XXYLT1: variants seen among roughly 807,000 people sequenced by gnomAD.
XXYLT1 encodes xyloside xylosyltransferase 1.
XXYLT1 carries 20 observed loss-of-function variants against 28.9 expected under a neutral mutation model. The ratio of observed to expected loss-of-function variants is 0.69; its 90% CI spans 0.49 to 1.00. XXYLT1 has a LOEUF of 1.00. Ranked by LOEUF, XXYLT1 falls within the 50% of genes least tolerant of loss-of-function variation. The probability of loss-of-function intolerance (pLI) is 0.00; values close to 1 mark genes in which losing one functional copy is unlikely to be tolerated. For missense variants in XXYLT1, 542 were observed against 560.1 expected (o/e 0.97, Z 0.33); for synonymous variants, 257 against 253.8 (o/e 1.01, Z -0.12).
chr3:195,074,717 A>G (rs1262835768), intron 3 of XXYLT1, among the ~76,000 whole-genome samples: 1 of 152,152 alleles, frequency 6.6e-6, no homozygotes, highest in Non-Finnish European at 1.5e-5. Flanking sequence ...CCTGGAGCTA[A>G]GGCTGAAGTT....
At chr3:195,208,390 C>T (rs1723164950) in intron 2 of XXYLT1, among the ~76,000 whole-genome samples, 1 of 152,150 alleles carries the variant, frequency 6.6e-6, no homozygotes, top group African/African-American at 2.4e-5. Context: ...CCCACCTGCC[C>T]ACTGCCCACA....
At chr3:195,204,073 A>C (rs1722962916) in intron 2 of XXYLT1, among the ~76,000 whole-genome samples, 1 of 152,202 alleles carries the variant, frequency 6.6e-6, no homozygotes, top group African/African-American at 2.4e-5. Flanking sequence ...GGCCGGGCAC[A>C]GTGGCTCACG....
intron 3 of XXYLT1, chr3:195,152,539 T>C (rs911480462): frequency 6.6e-6 from 1 of 152,360 alleles, no homozygotes; most frequent in Non-Finnish European, 1.5e-5. Flanking sequence ...TCCATGGACC[T>C]AGGATTATAA....
In XXYLT1 at chr3:195,196,333, G is replaced by A. The variant is rs190567249; in HGVS notation, c.652+30376C>T. 9.8e-5 allele frequency among the ~76,000 whole-genome samples: 15 copies of A among 152,358 alleles called. No individual in the cohort carries two copies. In the East Asian group the frequency reaches 2.9e-3, roughly 29 times the overall value. ...ATCCTGCAGGGTGCGGCAGGAAGCA[G>A]GGCAAGATGCTCCCTAGCCCTGTGG... On this transcript the variant is annotated intron_variant, in intron 2 of 3. Transcript: ENST00000310380.
chr3:195,235,195 T>C (rs1724484405), intron 1 of XXYLT1, among the ~76,000 whole-genome samples: 2 of 152,124 alleles, frequency 1.3e-5, no homozygotes, highest in Admixed American at 1.3e-4. Context: ...AACCTCTGCC[T>C]CCCAGGCTCA....
intron 3 of XXYLT1, among the ~76,000 whole-genome samples, chr3:195,149,359 G>A (rs1720056820): frequency 6.6e-6 from 1 of 152,234 alleles, no homozygotes; most frequent in Non-Finnish European, 1.5e-5. Context: ...CAGGAGGAAA[G>A]GGCATAGTCG....
rs555239371 is a variant in XXYLT1 at position 195,145,296 on chromosome 3, G to C, written c.785+11153C>G. On this transcript the variant is annotated intron_variant, in intron 3 of 3. Coordinates refer to ENST00000310380, the MANE Select transcript of XXYLT1 (RefSeq NM_152531.5). ...CACGTGAATGGGCACCTCACTCCAC[G>C]GTTACCAGCATTGATGGGGCCCTGC... Among the ~76,000 whole-genome samples the C allele has an allele frequency of 3.3e-5, 5 of 152,214 alleles. No individual in the cohort carries two copies. The South Asian group carries it at 8.3e-4, about 25-fold the overall frequency.
chr3:195,237,430 C>G (rs1230118236), intron 1 of XXYLT1, among the ~76,000 whole-genome samples: 2 of 152,126 alleles, frequency 1.3e-5, no homozygotes, highest in African/African-American at 4.8e-5. Context: ...GCCACCGCCA[C>G]AGGGATGGAG....
chr3:195,178,232 G>A (rs532280885), intron 2 of XXYLT1, among the ~76,000 whole-genome samples: 38 of 151,798 alleles, frequency 2.5e-4, no homozygotes, highest in East Asian at 1.2e-3. Flanking sequence ...ATGCTCTCCC[G>A]CTTGGCTGCA....
intron 2 of XXYLT1, among the ~76,000 whole-genome samples, chr3:195,162,580 C>T (rs1005459067): frequency 6.6e-6 from 1 of 152,214 alleles, no homozygotes; most frequent in Non-Finnish European, 1.5e-5. Context: ...ATGGCTCAGC[C>T]ATGGCATTGT....
chr3:195,073,550 G>A (rs1714947990), intron 3 of XXYLT1, among the ~76,000 whole-genome samples: 1 of 152,096 alleles, frequency 6.6e-6, no homozygotes, highest in Non-Finnish European at 1.5e-5. Context: ...TCCGGCCTGT[G>A]GAGAGTCTTG....
intron 3 of XXYLT1, among the ~76,000 whole-genome samples, chr3:195,105,381 G>A (rs898208733): frequency 1.3e-5 from 2 of 152,224 alleles, no homozygotes; most frequent in African/African-American, 2.4e-5. Context: ...TCCTGTGACT[G>A]GAGAGTACAG....
At chr3:195,205,149 T>C (rs1488638323) in intron 2 of XXYLT1, among the ~76,000 whole-genome samples, 2 of 152,168 alleles carry the variant, frequency 1.3e-5, no homozygotes, top group African/African-American at 2.4e-5. Flanking sequence ...ATGAAACAAG[T>C]AACTACCAAA....
chr3:195,190,589 A>C (rs529928085), intron 2 of XXYLT1, among the ~76,000 whole-genome samples: 23 of 152,066 alleles, frequency 1.5e-4, no homozygotes, highest in African/African-American at 5.5e-4. Flanking sequence ...GAAGAAACGA[A>C]GAGCACCAAA....
At chr3:195,106,905 G>C (rs901057163) in intron 3 of XXYLT1, among the ~76,000 whole-genome samples, 28 of 148,112 alleles carry the variant, frequency 1.9e-4, no homozygotes, top group African/African-American at 6.8e-4. Flanking sequence ...GTGACGGGGG[G>C]AGGAGAGTAG....
At chr3:195,179,232 C>T (rs1030809363) in intron 2 of XXYLT1, among the ~76,000 whole-genome samples, 3 of 151,626 alleles carry the variant, frequency 2.0e-5, no homozygotes, top group Non-Finnish European at 4.4e-5. Flanking sequence ...CCCAGCCACT[C>T]GGAAGGCTGA....
In XXYLT1 at chr3:195,139,878, T is replaced by A. The variant is rs115260850; in HGVS notation, c.785+16571A>T. On this transcript the variant is annotated intron_variant, in intron 3 of 3. Transcript: ENST00000310380. Reference sequence around the variant, plus strand: ...ACAGTCCCTATGGACTTCTCCCAGATGAGGACCCCTCCCAGCTTCTGGAGA... The same window carrying A: ...ACAGTCCCTATGGACTTCTCCCAGAAGAGGACCCCTCCCAGCTTCTGGAGA... Among the ~76,000 whole-genome samples, 333 of 152,334 alleles carry A rather than the reference T, an allele frequency of 2.2e-3. 2 individuals carry two copies. Among genetic ancestry groups the A allele is most frequent in the African/African-American group, 7.6e-3 (317 of 41,564 alleles).
chr3:195,259,457 G>T, intron 1 of XXYLT1: 3 of 505,590 alleles, frequency 5.9e-6, no homozygotes, highest in Non-Finnish European at 7.7e-6. Flanking sequence ...AAAGATAAGA[G>T]CCCTGGATGG....
At position 195,144,523 on chromosome 3, in the gene XXYLT1, C is replaced by T. The variant is rs552094756; in HGVS notation, c.785+11926G>A. The stretch of plus-strand genomic sequence containing the variant: ...TCCCGAGTAGCTGGGATTAAAGGCA[C>T]GTGCCACCACACTTGGCAAATTTTT... On this transcript the variant is annotated intron_variant, in intron 3 of 3. Transcript: ENST00000310380. 5.3e-5 allele frequency among the ~76,000 whole-genome samples: 8 copies of T among 152,112 alleles called. No homozygotes were observed. The East Asian group carries it at 7.7e-4, about 15-fold the overall frequency.
Sources: allele counts gnomAD v4.1 joint callset (sites outside exome capture counted in the v4.1 genomes callset), GRCh38; gene constraint gnomAD v4.1.1; transcripts MANE v1.5; gene names NCBI Gene and HGNC (gene_info 2026-07-23, HGNC 2026-07-21).